FGFR2: variants seen among roughly 807,000 people sequenced by gnomAD.
FGFR2 encodes BEK fibroblast growth factor receptor.
A neutral mutation model predicts 95.9 loss-of-function variants in FGFR2; 19 were observed. The observed-to-expected ratio is 0.20, with a 90% CI of 0.14 to 0.29. FGFR2 has a LOEUF of 0.29. Ranked by LOEUF, FGFR2 falls within the 10% of genes least tolerant of loss-of-function variation. The pLI is 1.00. For missense variants in FGFR2, 707 were observed against 1,056.9 expected, an observed-to-expected ratio of 0.67 and a Z score of 4.59; for synonymous variants, 392 against 393.3, an observed-to-expected ratio of 1.00 and a Z score of 0.04.
chr10:121,485,576 T>G lies in FGFR2; in HGVS notation c.2058-44A>C, dbSNP rs183682981. ...GCACGGCATTACTAACCCATCCACGTTGCCAAAACCTAAACACGCCCAGCT... is the reference window on the plus strand; with the variant it reads ...GCACGGCATTACTAACCCATCCACGGTGCCAAAACCTAAACACGCCCAGCT... On this transcript the variant is annotated intron_variant, in intron 15 of 17. Coordinates refer to ENST00000358487, the MANE Select transcript of FGFR2 (RefSeq NM_000141.5). This position sits in a 1 kb window ranked among gnomAD's most constrained non-coding sequence, Gnocchi z 4.2. The G allele has an allele frequency of 7.7e-5, 125 of 1,613,814 alleles. No homozygotes were observed. The African/African-American group carries it at 1.5e-3, about 20-fold the overall frequency.
Position 121,595,906 on chromosome 10 carries a change from C to A in FGFR2, c.-150-1939G>T, listed in dbSNP as rs537561894. Reference sequence around the variant, plus strand: ...ATTTCAGCCATTTCCAGGTCCAAACCCCACGGCAGCCCCCTCCCCAAAACT... The same window carrying A: ...ATTTCAGCCATTTCCAGGTCCAAACACCACGGCAGCCCCCTCCCCAAAACT... On this transcript the variant is annotated intron_variant, in intron 1 of 17. Transcript: ENST00000358487. 5.6e-4 allele frequency among the ~76,000 whole-genome samples: 86 copies of A among 152,318 alleles called. 4 individuals are homozygous for A. In the South Asian group the frequency reaches 0.018, roughly 31 times the overall value.
At position 121,531,576 on chromosome 10, in the gene FGFR2, C is replaced by T. The variant is rs1338971123; in HGVS notation, c.748+7016G>A. Among the ~76,000 whole-genome samples the T allele has an allele frequency of 3.3e-5, 5 of 152,128 alleles. No homozygotes were observed. Among genetic ancestry groups the T allele is most frequent in the African/African-American group, 1.2e-4 (5 of 41,400 alleles). On this transcript the variant is annotated intron_variant, in intron 6 of 17. Transcript: ENST00000358487. This position sits in a 1 kb window ranked among gnomAD's most constrained non-coding sequence, Gnocchi z 4.5. ...GTATGGGACCAACGCACAATAACGA[C>T]TAACAGTTGCATGGTACTATTATTT... is the stretch of plus-strand genomic sequence containing the variant.
chr10:121,513,082 C>A (rs528775268), intron 9 of FGFR2, among the ~76,000 whole-genome samples: 1 of 152,156 alleles, frequency 6.6e-6, no homozygotes, highest in Non-Finnish European at 1.5e-5. Flanking sequence ...GTTAGTCAGG[C>A]TGGATGGTCT....
chr10:121,507,557 C>A (rs984984249), intron 9 of FGFR2, among the ~76,000 whole-genome samples: 1 of 152,090 alleles, frequency 6.6e-6, no homozygotes, highest in African/African-American at 2.4e-5. Flanking sequence ...CACTGCACTG[C>A]AGTCTGGGCG....
chr10:121,501,312 G>A (rs556390404), intron 10 of FGFR2, among the ~76,000 whole-genome samples: 2 of 152,080 alleles, frequency 1.3e-5, no homozygotes, highest in African/African-American at 4.8e-5. Flanking sequence ...CGTTAAGACT[G>A]TTCTTATTTT....
At position 121,594,288 on chromosome 10, in the gene FGFR2, C is replaced by T. The variant is rs3135720; in HGVS notation, c.-150-321G>A. 6 of 276,388 alleles carry T rather than the reference C, an allele frequency of 2.2e-5. No individual in the cohort carries two copies. In the Admixed American group the frequency reaches 2.8e-4, roughly 13 times the overall value. 17.1% of individuals were successfully genotyped at this position (276,388 alleles called of 1,614,324 possible). A position where few individuals can be genotyped will look rare whatever the true frequency, so the allele number is the denominator to read the frequency against. On this transcript the variant is annotated intron_variant, in intron 1 of 17. Transcript: ENST00000358487. ...CTACTATCCACTATCGCCTCCACCG[C>T]CCTCAATGAGCAGAAGCAACGTGAC... is the stretch of plus-strand genomic sequence containing the variant.
chr10:121,502,770 C>T (rs1847763949), intron 10 of FGFR2, among the ~76,000 whole-genome samples: 2 of 152,186 alleles, frequency 1.3e-5, no homozygotes, highest in African/African-American at 2.4e-5. Context: ...GCATTTCCAC[C>T]TTCCCGTACT....
chr10:121,555,339 C>T (rs1167625596), intron 4 of FGFR2, among the ~76,000 whole-genome samples: 1 of 151,886 alleles, frequency 6.6e-6, no homozygotes, highest in Admixed American at 6.6e-5. Context: ...TGCCATTGCA[C>T]TCCAGCCTGG....
chr10:121,580,408 C>T (rs547838748), intron 2 of FGFR2, among the ~76,000 whole-genome samples: 1 of 152,340 alleles, frequency 6.6e-6, no homozygotes, highest in South Asian at 2.1e-4. Context: ...AACAGATGGT[C>T]TTCCTCATTT....
rs780497781 is a variant in FGFR2 at position 121,479,954 on chromosome 10, C to A, written c.2369G>T (p.Cys790Phe). Residue 790 changes from cysteine (C) to phenylalanine (F), a missense_variant, in exon 18 of 18, where the codon TGT (cysteine) becomes TTT (phenylalanine). Around this residue, in one of 7 missense-constraint regions of FGFR2, gnomAD observed 51 missense variants for 50.2 expected, o/e 1.01. Transcript: ENST00000358487. ...SPSYPDTRSS[C>F]SSGDDSVFSP... The stretch of plus-strand genomic sequence containing the variant: ...AAAAACAGAATCATCTCCTGAAGAA[C>A]AAGAACTTCTTGTGTCAGGGTAACT... 6.2e-7 allele frequency: 1 copy of A among 1,614,148 alleles called. No homozygotes were observed. The highest frequency in any genetic ancestry group is 8.5e-7 in the Non-Finnish European group (1 of 1,180,036).
At chr10:121,545,111 C>T (rs1854315110) in intron 5 of FGFR2, among the ~76,000 whole-genome samples, 1 of 152,196 alleles carries the variant, frequency 6.6e-6, no homozygotes, top group South Asian at 2.1e-4. Flanking sequence ...CCACTGCACT[C>T]CAGCCTGCGC....
rs377132080 is a variant in FGFR2 at position 121,515,213 on chromosome 10, C to A, written c.1191G>T (p.Leu397=). 1 of 1,614,182 alleles carries A rather than the reference C, an allele frequency of 6.2e-7. No individual in the cohort carries two copies. Among genetic ancestry groups the A allele is most frequent in the Non-Finnish European group, 8.5e-7 (1 of 1,180,024 alleles). Residue 397 remains leucine (L), a synonymous_variant, in exon 9 of 18, where the codon CTG becomes CTT. Transcript: ENST00000358487. ...LIACMVVTVI[L]CRMKNTTKKP... is the part of the protein sequence containing the mutation. ...TCTTGGTCGTGTTCTTCATTCGGCA[C>A]AGGATGACTGTTACCACCATACAGG...
intron 1 of FGFR2, among the ~76,000 whole-genome samples, chr10:121,597,402 G>A (rs1279970890): frequency 6.6e-6 from 1 of 152,238 alleles, no homozygotes; most frequent in Non-Finnish European, 1.5e-5. Context: ...CGGCGGCTGC[G>A]GGCGAGGGGC....
chr10:121,508,053 G>A (rs556972035), intron 9 of FGFR2, among the ~76,000 whole-genome samples: 3 of 152,214 alleles, frequency 2.0e-5, no homozygotes, highest in Non-Finnish European at 4.4e-5. Flanking sequence ...AAGTATATGA[G>A]AGGATGTACA....
rs1401923586 is a variant in FGFR2 at position 121,587,109 on chromosome 10, T to G, written c.109+6600A>C. ...TAAGGCCACACACCTACCGCACACC[T>G]ACGACCATCTGATCTTCGACAAAAC... On this transcript the variant is annotated intron_variant, in intron 2 of 17. Coordinates refer to ENST00000358487, the MANE Select transcript of FGFR2 (RefSeq NM_000141.5). Among the ~76,000 whole-genome samples the G allele has an allele frequency of 5.3e-5, 8 of 152,108 alleles. No homozygotes were observed. The South Asian group carries it at 6.2e-4, about 12-fold the overall frequency.
intron 2 of FGFR2, among the ~76,000 whole-genome samples, chr10:121,566,300 T>C (rs1857663285): frequency 6.6e-6 from 1 of 152,186 alleles, no homozygotes; most frequent in Non-Finnish European, 1.5e-5. Context: ...AGAGACCTAA[T>C]TCTGTGCTGG....
intron 10 of FGFR2, among the ~76,000 whole-genome samples, chr10:121,502,225 T>A (rs762269113): frequency 1.3e-5 from 2 of 152,210 alleles, no homozygotes; most frequent in Non-Finnish European, 2.9e-5. Flanking sequence ...AACCTATCTG[T>A]GTATATAATC....
intron 11 of FGFR2, 69 bp from the exon 12 acceptor site, chr10:121,498,674 C>T (rs1268355548): frequency 7.7e-7 from 1 of 1,297,142 alleles, no homozygotes; most frequent in African/African-American, 1.5e-5. Flanking sequence ...CTGTTAGTTG[C>T]CAAAGACTTA....
intron 13 of FGFR2, among the ~76,000 whole-genome samples, chr10:121,490,331 AT>A (rs1394628479): frequency 6.6e-6 from 1 of 151,796 alleles, no homozygotes; most frequent in Non-Finnish European, 1.5e-5. Flanking sequence ...CATCAGGCTA[AT>A]TTTGTATTTT....
Sources: allele counts gnomAD v4.1 joint callset (sites outside exome capture counted in the v4.1 genomes callset), GRCh38; gene constraint gnomAD v4.1.1; regional missense constraint gnomAD v4.1.1; non-coding constraint Gnocchi (gnomAD v3.1); transcripts MANE v1.5; gene names NCBI Gene and HGNC (gene_info 2026-07-23, HGNC 2026-07-21).